ADAMTS2: variants seen among roughly 807,000 people sequenced by gnomAD.
ADAMTS2 encodes ADAM metallopeptidase with thrombospondin type 1 motif 2.
Under a neutral mutation model 123.0 loss-of-function variants are expected in ADAMTS2, and 50 were observed. That is an observed-to-expected ratio of 0.41 (90% CI 0.32 to 0.51). The LOEUF is 0.51. Among genes scored for constraint, ADAMTS2 ranks in the 20% least tolerant of loss-of-function variants. The probability of loss-of-function intolerance (pLI) is 0.35; values close to 1 mark genes in which losing one functional copy is unlikely to be tolerated. For synonymous variants in ADAMTS2, 678 were observed against 695.4 expected (o/e 0.98, Z 0.39); for missense variants, 1,494 against 1,705.2 (o/e 0.88, Z 2.18).
intron 9 of ADAMTS2, among the ~76,000 whole-genome samples, chr5:179,153,071 G>C (rs1050510800): frequency 6.6e-6 from 1 of 152,208 alleles, no homozygotes; most frequent in Admixed American, 6.5e-5. Flanking sequence ...CTTGGCCCTG[G>C]AGAGCAGCGA....
chr5:179,122,043 G>T lies in ADAMTS2; in HGVS notation c.3089-293C>A, dbSNP rs12374559. On this transcript the variant is annotated intron_variant, in intron 20 of 21. Transcript: ENST00000251582. ...TCCTCTGCCCCTGCACCCTGCCCGC[G>T]CCCCGGGTTCCACCTGCTGACTCGA... Among the ~76,000 whole-genome samples the T allele has an allele frequency of 0.015, 2,272 of 152,194 alleles. 25 individuals are homozygous for T. Among genetic ancestry groups the T allele is most frequent in the Non-Finnish European group, 0.025 (1,718 of 68,010 alleles).
At chr5:179,174,925 C>G (rs1187386563) in intron 5 of ADAMTS2, among the ~76,000 whole-genome samples, 1 of 142,694 alleles carries the variant, frequency 7.0e-6, no homozygotes. Flanking sequence ...CATTCATGTT[C>G]CTTTGGAGGA....
At chr5:179,211,659 G>A (rs1280291048) in intron 3 of ADAMTS2, among the ~76,000 whole-genome samples, 1 of 152,216 alleles carries the variant, frequency 6.6e-6, no homozygotes, top group African/African-American at 2.4e-5. Flanking sequence ...ACAGGGAGAG[G>A]ATGGAATGAG....
chr5:179,193,318 C>T (rs544225393), intron 4 of ADAMTS2, among the ~76,000 whole-genome samples: 20 of 152,310 alleles, frequency 1.3e-4, no homozygotes, highest in African/African-American at 3.6e-4. Flanking sequence ...CCGCCTACGC[C>T]GAGTACTTCC....
intron 2 of ADAMTS2, among the ~76,000 whole-genome samples, chr5:179,281,971 CT>C (rs2113529976): frequency 6.6e-6 from 1 of 152,338 alleles, no homozygotes; most frequent in South Asian, 2.1e-4. Context: ...CATTCAGATA[CT>C]TTCCCTATTT....
At chr5:179,200,596 G>A (rs1764541034) in intron 4 of ADAMTS2, among the ~76,000 whole-genome samples, 1 of 152,090 alleles carries the variant, frequency 6.6e-6, no homozygotes. Context: ...GGCTGCTATG[G>A]CTAAACCCAA....
In ADAMTS2 at chr5:179,122,784, A is replaced by T; in HGVS notation, c.2959-11T>A. 1.3e-6 allele frequency: 2 copies of T among 1,554,064 alleles called. No homozygotes were observed. The highest frequency in any genetic ancestry group is 2.7e-5 in the African/African-American group (2 of 73,322). On this transcript the variant is annotated splice_polypyrimidine_tract_variant and intron_variant, in intron 19 of 21. Transcript: ENST00000251582. ...ACAGGTTACTGAGCACTGCAGGGGG[A>T]GAGTCGCCAGGCAGGGTTCACCTCC... is the stretch of plus-strand genomic sequence containing the variant.
intron 4 of ADAMTS2, among the ~76,000 whole-genome samples, chr5:179,194,494 G>A (rs866728866): frequency 2.0e-5 from 3 of 152,198 alleles, no homozygotes; most frequent in African/African-American, 2.4e-5. Context: ...GAGGCAGAGC[G>A]GATGGCCTGC....
rs116829157 is a variant in ADAMTS2 at position 179,296,596 on chromosome 5, G to A, written c.535-23532C>T. On this transcript the variant is annotated intron_variant, in intron 2 of 21. Transcript: ENST00000251582. ...AAAGAGGACCAGTGGCATCCGACTC[G>A]GATAAGGAAGGACCGCAAGGCAGGT... Among the ~76,000 whole-genome samples the A allele has an allele frequency of 7.8e-3, 1,184 of 152,256 alleles. 10 individuals carry two copies. Among genetic ancestry groups the A allele is most frequent in the African/African-American group, 0.027 (1,118 of 41,550 alleles).
chr5:179,115,460 A>G lies in ADAMTS2; in HGVS notation c.3179-1136T>C, dbSNP rs1240698097. On this transcript the variant is annotated intron_variant, in intron 21 of 21. Coordinates refer to ENST00000251582, the MANE Select transcript of ADAMTS2 (RefSeq NM_014244.5). This position sits in a 1 kb window ranked among gnomAD's most constrained non-coding sequence, Gnocchi z 4.4. ...CGAATCACTGACCTCCGTGAGCCCA[A>G]CACCGCCTGTTGTGGTCTCTGCTCA... 1.3e-5 allele frequency among the ~76,000 whole-genome samples: 2 copies of G among 152,106 alleles called. No homozygotes were observed. Among genetic ancestry groups the G allele is most frequent in the Non-Finnish European group, 2.9e-5 (2 of 68,020 alleles).
chr5:179,154,850 G>A lies in ADAMTS2; in HGVS notation c.1202C>T (p.Ser401Phe), dbSNP rs1196643484. The part of the protein sequence containing the change: ...SCTLNHEDGF[S>F]SAFVVAHETG... ...CTCATGGGCCACCACAAACGCTGAG[G>A]AGAAGCCGTCCTCATGGTTCAGGGT... The change falls in exon 7 of 22, where the codon TCC becomes TTC. Residue 401 changes from serine (S) to phenylalanine (F), a missense_variant. Around this residue, in one of 6 missense-constraint regions of ADAMTS2, gnomAD observed 47 missense variants for 92.7 expected, o/e 0.51. Transcript: ENST00000251582. 1 of 1,613,372 alleles carries A rather than the reference G, an allele frequency of 6.2e-7. No individual in the cohort carries two copies. Among genetic ancestry groups the A allele is most frequent in the Non-Finnish European group, 8.5e-7 (1 of 1,179,860 alleles).
intron 19 of ADAMTS2, among the ~76,000 whole-genome samples, chr5:179,124,409 C>T (rs1477934820): frequency 6.6e-6 from 1 of 152,160 alleles, no homozygotes; most frequent in Non-Finnish European, 1.5e-5. Context: ...GCTCTTCTCC[C>T]CTCCTGCGAG....
In ADAMTS2 at chr5:179,236,627, T is replaced by G. The variant is rs533310275; in HGVS notation, c.689-28912A>C. 1.0e-3 allele frequency among the ~76,000 whole-genome samples: 155 copies of G among 152,194 alleles called. 1 individual carries two copies. Among genetic ancestry groups the G allele is most frequent in the African/African-American group, 3.5e-3 (146 of 41,502 alleles). On this transcript the variant is annotated intron_variant, in intron 3 of 21. Transcript: ENST00000251582. ...GCAATATGGTAAAACCCTGTCTCCA[T>G]ACACATAAAAAAAATTAGCCAAACG...
chr5:179,208,075 C>T (rs1420347017), intron 3 of ADAMTS2, among the ~76,000 whole-genome samples: 2 of 56,568 alleles, frequency 3.5e-5, no homozygotes, highest in Admixed American at 2.0e-4. Context: ...GAGCCCAGGG[C>T]TGGCATTCAG....
chr5:179,302,518 T>G (rs527257168), intron 2 of ADAMTS2, among the ~76,000 whole-genome samples: 12 of 151,614 alleles, frequency 7.9e-5, no homozygotes, highest in African/African-American at 2.7e-4. Context: ...CCTGAGGACT[T>G]GTGGCCCAGT....
At chr5:179,149,783 C>G (rs1347464893) in intron 10 of ADAMTS2, among the ~76,000 whole-genome samples, 1 of 152,196 alleles carries the variant, frequency 6.6e-6, no homozygotes, top group Admixed American at 6.5e-5. Context: ...CCCCAACATC[C>G]CCACACCGAA....
chr5:179,221,915 C>T (rs1257919407), intron 3 of ADAMTS2, among the ~76,000 whole-genome samples: 2 of 152,176 alleles, frequency 1.3e-5, no homozygotes, highest in East Asian at 3.9e-4. Context: ...CCTGCCCAAC[C>T]TTTGTTTCTG....
At chr5:179,241,177 G>A (rs1389411844) in intron 3 of ADAMTS2, among the ~76,000 whole-genome samples, 1 of 152,202 alleles carries the variant, frequency 6.6e-6, no homozygotes, top group South Asian at 2.1e-4. Flanking sequence ...GTGAACCTTC[G>A]AGAACCGGAG....
In ADAMTS2 at chr5:179,207,550, T is replaced by G. The variant is rs1394950004; in HGVS notation, c.854A>C (p.Glu285Ala). The change falls in exon 4 of 22, where the codon GAG (glutamate) becomes GCG (alanine). Residue 285 changes from glutamate (E) to alanine (A), a missense_variant. Glu to Ala is a moderately radical substitution (Grantham distance 107). Around this residue, in one of 6 missense-constraint regions of ADAMTS2, gnomAD observed 184 missense variants for 152.1 expected, o/e 1.21. Coordinates refer to ENST00000251582, the MANE Select transcript of ADAMTS2 (RefSeq NM_014244.5). ...TGTCAGCAGGTACTTCTGTACGTGCTCCTTCCCGTGGAACTGCACCACAGA... is the reference window on the plus strand; with the variant it reads ...TGTCAGCAGGTACTTCTGTACGTGCGCCTTCCCGTGGAACTGCACCACAGA... ...DDSVVQFHGK[E>A]HVQKYLLTLM... The G allele has an allele frequency of 2.0e-6, 3 of 1,511,982 alleles. No homozygotes were observed. The highest frequency in any genetic ancestry group is 2.7e-6 in the Non-Finnish European group (3 of 1,120,020). 93.7% of individuals were successfully genotyped at this position (1,511,982 alleles called of 1,614,324 possible). A position where few individuals can be genotyped will look rare whatever the true frequency, so the allele number is the denominator to read the frequency against.
Sources: gnomAD v4.1 joint callset for allele counts (sites outside exome capture counted in the v4.1 genomes callset) on GRCh38, gnomAD v4.1.1 for gene constraint, gnomAD v4.1.1 regional missense constraint, Gnocchi (gnomAD v3.1) non-coding constraint, MANE v1.5 for transcripts, NCBI Gene and HGNC (gene_info 2026-07-23, HGNC 2026-07-21) for gene names.